Variants in SMU1 observed in about 807,000 individuals in gnomAD.
SMU1 encodes the protein SMU1 DNA replication regulator and spliceosomal factor.
A neutral mutation model predicts 62.0 loss-of-function variants in SMU1; 2 were observed. The ratio of observed to expected loss-of-function variants is 0.03; its 90% CI spans 0.01 to 0.10. SMU1 has a LOEUF of 0.10. Ranked by LOEUF, SMU1 falls within the 10% of genes least tolerant of loss-of-function variation. The pLI is 1.00. For missense variants in SMU1, 227 were observed against 622.1 expected (o/e 0.36, Z 6.76); for synonymous variants, 188 against 212.4 (o/e 0.89, Z 1.00).
chr9:33,064,242 A>G (rs997457670), intron 4 of SMU1, among the ~76,000 whole-genome samples: 1 of 152,030 alleles, frequency 6.6e-6, no homozygotes, highest in Non-Finnish European at 1.5e-5. Context: ...GACTATGTCT[A>G]TTTTGGATTA....
chr9:33,076,035 T>G (rs936133827), intron 1 of SMU1, among the ~76,000 whole-genome samples: 8 of 152,152 alleles, frequency 5.3e-5, no homozygotes, highest in Non-Finnish European at 1.0e-4. Flanking sequence ...AGCAATTAAC[T>G]CTTCCTCTAA....
chr9:33,074,919 A>G lies in SMU1; in HGVS notation c.27-1113T>C, dbSNP rs562362435. The stretch of plus-strand genomic sequence containing the variant: ...CTCCCGAGTAGCTGAGACCACAGGC[A>G]TGCACCACCACACTGGCTAATTGTT... On this transcript the variant is annotated intron_variant, in intron 1 of 11. Coordinates refer to ENST00000397149, the MANE Select transcript of SMU1 (RefSeq NM_018225.3). 3.3e-5 allele frequency among the ~76,000 whole-genome samples: 5 copies of G among 152,142 alleles called. No individual in the cohort carries two copies. The South Asian group carries it at 1.0e-3, about 32-fold the overall frequency.
At position 33,052,892 on chromosome 9, in the gene SMU1, G is replaced by A. The variant is rs564648457; in HGVS notation, c.1290+231C>T. On this transcript the variant is annotated intron_variant, in intron 10 of 11. Coordinates refer to ENST00000397149, the MANE Select transcript of SMU1 (RefSeq NM_018225.3). ...AGACAGATAGGAGCTTCCTTTATCCGAAGGATGAAAGTGCTTAATATACAA... is the reference window on the plus strand; with the variant it reads ...AGACAGATAGGAGCTTCCTTTATCCAAAGGATGAAAGTGCTTAATATACAA... Among the ~76,000 whole-genome samples the A allele has an allele frequency of 5.3e-5, 8 of 152,324 alleles. No individual in the cohort carries two copies. The South Asian group carries it at 1.0e-3, about 20-fold the overall frequency.
chr9:33,062,978 C>A (rs1300822886), intron 4 of SMU1, among the ~76,000 whole-genome samples: 2 of 152,148 alleles, frequency 1.3e-5, no homozygotes, highest in Admixed American at 1.3e-4. Context: ...AAATAATGAA[C>A]TTTGGAGACA....
intron 4 of SMU1, among the ~76,000 whole-genome samples, chr9:33,066,505 T>TAAAAAA (rs35501819): frequency 4.0e-5 from 4 of 100,110 alleles, no homozygotes; most frequent in Admixed American, 2.5e-4. Flanking sequence ...TCCATTTAAT[T>TAAAAAA]AAAAAAAAAA....
chr9:33,074,866 T>C (rs1277978372), intron 1 of SMU1, among the ~76,000 whole-genome samples: 1 of 151,526 alleles, frequency 6.6e-6, no homozygotes, highest in Non-Finnish European at 1.5e-5. Context: ...CTGGGCCTCC[T>C]GGGATCAGGT....
chr9:33,065,341 G>C (rs1839407942), intron 4 of SMU1, among the ~76,000 whole-genome samples: 1 of 152,038 alleles, frequency 6.6e-6, no homozygotes, highest in African/African-American at 2.4e-5. Context: ...ACGAAACCTA[G>C]AACCAAAACC....
chr9:33,069,012 C>A (rs1839457238), intron 3 of SMU1, 78 bp from the exon 4 acceptor site: 1 of 1,529,432 alleles, frequency 6.5e-7, no homozygotes, highest in Non-Finnish European at 8.8e-7. Flanking sequence ...AACAAACAAG[C>A]AGAAGCATAC....
chr9:33,067,831 C>T (rs964753507), intron 4 of SMU1, among the ~76,000 whole-genome samples: 1 of 152,168 alleles, frequency 6.6e-6, no homozygotes, highest in Non-Finnish European at 1.5e-5. Context: ...CTCAGAGTCA[C>T]TGCAGGCCTG....
chr9:33,076,585 C>T lies in SMU1; in HGVS notation c.24G>A (p.Ser8=). ...AACATCCCCACCGCAGGACTCACTC[C>T]GAAGATTCGATTTCGATCGACATAG... MSIEIES[S]DVIRLIMQYL... is the part of the protein sequence containing the mutation. Residue 8 remains serine (S), a splice_region_variant and synonymous_variant, in exon 1 of 12, where the codon TCG becomes TCA. Coordinates refer to ENST00000397149, the MANE Select transcript of SMU1 (RefSeq NM_018225.3). The T allele has an allele frequency of 1.2e-6, 2 of 1,613,882 alleles. No homozygotes were observed. The highest frequency in any genetic ancestry group is 1.7e-6 in the Non-Finnish European group (2 of 1,180,034).
intron 4 of SMU1, among the ~76,000 whole-genome samples, chr9:33,064,869 A>G (rs1421408164): frequency 6.6e-6 from 1 of 151,934 alleles, no homozygotes; most frequent in Non-Finnish European, 1.5e-5. Flanking sequence ...CAGCCTCCCA[A>G]GTAACTGGGA....
intron 4 of SMU1, among the ~76,000 whole-genome samples, chr9:33,063,367 A>G (rs1165679508): frequency 6.6e-6 from 1 of 152,222 alleles, no homozygotes; most frequent in Non-Finnish European, 1.5e-5. Context: ...TCTCCAAAAA[A>G]AAAAGCCTAA....
chr9:33,065,146 G>C (rs1839406063), intron 4 of SMU1, among the ~76,000 whole-genome samples: 1 of 152,084 alleles, frequency 6.6e-6, no homozygotes, highest in Non-Finnish European at 1.5e-5. Context: ...AAAACCTCTA[G>C]GTTAAGGTCC....
chr9:33,050,490 G>C (rs887311649), intron 10 of SMU1, among the ~76,000 whole-genome samples: 1 of 150,200 alleles, frequency 6.7e-6, no homozygotes, highest in Non-Finnish European at 1.5e-5. Context: ...GATGTCCTTT[G>C]GTAGATGACT....
intron 10 of SMU1, among the ~76,000 whole-genome samples, chr9:33,048,528 T>C (rs189062520): frequency 2.6e-5 from 4 of 152,320 alleles, no homozygotes; most frequent in African/African-American, 9.6e-5. Context: ...ATATTACCCT[T>C]AAGCAAATTT....
chr9:33,073,571 G>C, intron 2 of SMU1, 25 bp downstream of exon 2: 1 of 1,575,268 alleles, frequency 6.3e-7, no homozygotes, highest in African/African-American at 1.3e-5. Flanking sequence ...CAACCCATGG[G>C]GATCAGCATC....
chr9:33,047,118 A>G lies in SMU1; in HGVS notation c.*175T>C. 4 of 523,800 alleles carry G rather than the reference A, an allele frequency of 7.6e-6. No individual in the cohort carries two copies. In the South Asian group the frequency reaches 1.1e-4, roughly 15 times the overall value. 32.4% of individuals were successfully genotyped at this position (523,800 alleles called of 1,614,324 possible). A position where few individuals can be genotyped will look rare whatever the true frequency, so the allele number is the denominator to read the frequency against. On this transcript the variant is annotated 3_prime_UTR_variant, in exon 12 of 12. Coordinates refer to ENST00000397149, the MANE Select transcript of SMU1 (RefSeq NM_018225.3). Reference sequence around the variant, plus strand: ...AGATAAACTAATACCTTAAAAATATATAAAAAAAGAAAGGGTAGTTGCTAC... The same window carrying G: ...AGATAAACTAATACCTTAAAAATATGTAAAAAAAGAAAGGGTAGTTGCTAC...
chr9:33,061,265 A>T (rs183651239), intron 5 of SMU1, among the ~76,000 whole-genome samples: 2 of 152,252 alleles, frequency 1.3e-5, no homozygotes, highest in African/African-American at 4.8e-5. Context: ...AAGTGTTTAT[A>T]ACAGAAAATC....
chr9:33,074,939 ATTG>A (rs1393172760), intron 1 of SMU1, among the ~76,000 whole-genome samples: 36 of 152,146 alleles, frequency 2.4e-4, no homozygotes, highest in African/African-American at 7.2e-4. Flanking sequence ...ACACTGGCTA[ATTG>A]TTGTATTTTT....
Sources: gnomAD v4.1 joint callset for allele counts (sites outside exome capture counted in the v4.1 genomes callset) on GRCh38, gnomAD v4.1.1 for gene constraint, MANE v1.5 for transcripts, NCBI Gene and HGNC (gene_info 2026-07-23, HGNC 2026-07-21) for gene names.